Variants in CMIP observed in about 807,000 individuals in gnomAD.
The protein encoded by CMIP is c-Maf inducing protein, also known as C-Maf-inducing protein.
CMIP carries 13 observed loss-of-function variants against 97.3 expected under a neutral mutation model. The ratio of observed to expected loss-of-function variants is 0.13; its 90% CI spans 0.09 to 0.21. The LOEUF (loss-of-function observed/expected upper bound fraction) is 0.21. Among genes scored for constraint, CMIP ranks in the 10% least tolerant of loss-of-function variants. The probability of loss-of-function intolerance (pLI) is 1.00; values close to 1 mark genes in which losing one functional copy is unlikely to be tolerated. For synonymous variants in CMIP, 538 were observed against 436.3 expected (o/e 1.23, Z -2.91); for missense variants, 847 against 1,024.9 (o/e 0.83, Z 2.37).
At chr16:81,593,304 G>A (rs1438454112) in intron 1 of CMIP, among the ~76,000 whole-genome samples, 1 of 152,054 alleles carries the variant, frequency 6.6e-6, no homozygotes, top group Non-Finnish European at 1.5e-5. Context: ...CCCCTCCTGG[G>A]TCCCCAAGGA....
At chr16:81,618,448 G>C (rs1017027974) in intron 2 of CMIP, 2 of 152,232 alleles carry the variant, frequency 1.3e-5, no homozygotes, top group Non-Finnish European at 2.9e-5. Flanking sequence ...TGCCACGCAG[G>C]ATAACTTAAT....
At chr16:81,485,680 TA>T (rs2089303009) in intron 1 of CMIP, among the ~76,000 whole-genome samples, 1 of 152,252 alleles carries the variant, frequency 6.6e-6, no homozygotes, top group Admixed American at 6.5e-5. Flanking sequence ...TGAGCACTTA[TA>T]ATATGCCAGA....
chr16:81,445,563 C>T (rs1189660036), intron 1 of CMIP, 22 bp downstream of exon 1: 9 of 1,526,406 alleles, frequency 5.9e-6, no homozygotes, highest in East Asian at 4.9e-5. Context: ...TGCGCGGCTG[C>T]ACCCCCGCCT....
At position 81,696,260 on chromosome 16, in the gene CMIP, C is replaced by G. The variant is rs1423062622; in HGVS notation, c.1531-300C>G. On this transcript the variant is annotated intron_variant, in intron 13 of 20. Coordinates refer to ENST00000537098, the MANE Select transcript of CMIP (RefSeq NM_198390.3). Reference sequence around the variant, plus strand: ...GGGCGGTTGCTCTGGGCATCTCTACCTGCTGCAGCCACAGGCCCGCTTCAT... The same window carrying G: ...GGGCGGTTGCTCTGGGCATCTCTACGTGCTGCAGCCACAGGCCCGCTTCAT... 6.2e-6 allele frequency: 3 copies of G among 481,062 alleles called. No homozygotes were observed. The East Asian group carries it at 1.2e-4, about 20-fold the overall frequency. 29.8% of individuals were successfully genotyped at this position (481,062 alleles called of 1,614,324 possible). A position where few individuals can be genotyped will look rare whatever the true frequency, so the allele number is the denominator to read the frequency against.
At chr16:81,584,496 C>G (rs1324609282) in intron 1 of CMIP, among the ~76,000 whole-genome samples, 1 of 152,164 alleles carries the variant, frequency 6.6e-6, no homozygotes, top group Non-Finnish European at 1.5e-5. Context: ...AGTGTAAAAT[C>G]ATCCTTCTTT....
chr16:81,670,047 A>T, intron 7 of CMIP, 95 bp from the exon 8 acceptor site: 1 of 1,189,906 alleles, frequency 8.4e-7, no homozygotes, highest in Non-Finnish European at 1.2e-6. Context: ...CTCCAGGCAG[A>T]GCTCGGTCCC....
chr16:81,485,361 C>T (rs1478266936), intron 1 of CMIP, among the ~76,000 whole-genome samples: 1 of 152,218 alleles, frequency 6.6e-6, no homozygotes, highest in African/African-American at 2.4e-5. Context: ...CGAGCTATTT[C>T]TACCTTTTGT....
At chr16:81,505,489 G>A (rs1221849872) in intron 1 of CMIP, among the ~76,000 whole-genome samples, 1 of 152,186 alleles carries the variant, frequency 6.6e-6, no homozygotes, top group East Asian at 1.9e-4. Flanking sequence ...GCCTCAGCTG[G>A]GACCTGCTGG....
intron 7 of CMIP, among the ~76,000 whole-genome samples, chr16:81,668,032 G>T (rs1449643664): frequency 6.6e-6 from 1 of 152,068 alleles, no homozygotes; most frequent in African/African-American, 2.4e-5. Context: ...GGGAGCCTGC[G>T]GGAGGGAGTG....
intron 10 of CMIP, among the ~76,000 whole-genome samples, chr16:81,684,408 G>A (rs1469105258): frequency 3.3e-5 from 5 of 152,218 alleles, no homozygotes; most frequent in African/African-American, 7.2e-5. Flanking sequence ...CCGTGAGGCC[G>A]CCACGTTCTG....
In CMIP at chr16:81,627,192, G is replaced by C. The variant is rs150599312; in HGVS notation, c.477+6266G>C. On this transcript the variant is annotated intron_variant, in intron 3 of 20. Transcript: ENST00000537098. The surrounding 1 kb of genome is among the most constrained non-coding windows in gnomAD (Gnocchi z 4.6). ...GGCCTGTAGGGTGACTATTTTATGA[G>C]TGTGTGTGTGTGGCATGTGGGATGA... is the stretch of plus-strand genomic sequence containing the variant. 1.7e-3 allele frequency among the ~76,000 whole-genome samples: 253 copies of C among 149,870 alleles called. 1 individual carries two copies. Among genetic ancestry groups the C allele is most frequent in the African/African-American group, 5.8e-3 (237 of 40,794 alleles).
At chr16:81,636,030 A>C (rs2092230121) in intron 3 of CMIP, among the ~76,000 whole-genome samples, 1 of 152,114 alleles carries the variant, frequency 6.6e-6, no homozygotes, top group Admixed American at 6.5e-5. Flanking sequence ...AGCATGTATG[A>C]TGCAGCTGAA....
intron 12 of CMIP, 127 bp downstream of exon 12, chr16:81,693,311 G>T: frequency 7.1e-7 from 1 of 1,407,596 alleles, no homozygotes; most frequent in Non-Finnish European, 9.9e-7. Flanking sequence ...CTTGAGACAC[G>T]TGTCCCTGAT....
At chr16:81,557,405 A>G (rs1323224016) in intron 1 of CMIP, among the ~76,000 whole-genome samples, 2 of 152,300 alleles carry the variant, frequency 1.3e-5, no homozygotes, top group Admixed American at 6.5e-5. Flanking sequence ...TGTACTTACC[A>G]TCTTGTTGGC....
intron 1 of CMIP, among the ~76,000 whole-genome samples, chr16:81,537,354 G>A (rs1354544293): frequency 6.6e-6 from 1 of 151,912 alleles, no homozygotes; most frequent in Non-Finnish European, 1.5e-5. Context: ...GGCCAACATG[G>A]TAAAACCCTG....
chr16:81,472,611 C>T (rs139773990), intron 1 of CMIP, among the ~76,000 whole-genome samples: 225 of 152,340 alleles, frequency 1.5e-3, no homozygotes, highest in African/African-American at 4.3e-3. Flanking sequence ...GGGTGGCACC[C>T]GCAAATGTGT....
intron 1 of CMIP, chr16:81,518,835 ATT>A (rs35435211): frequency 3.2e-4 from 40 of 123,326 alleles, no homozygotes; most frequent in Admixed American, 5.9e-4. Context: ...CTGCATCTCT[ATT>A]TTTTTTTTTT....
intron 1 of CMIP, among the ~76,000 whole-genome samples, chr16:81,551,391 A>G (rs906992004): frequency 6.6e-6 from 1 of 152,288 alleles, no homozygotes; most frequent in African/African-American, 2.4e-5. Context: ...AAATGGGACA[A>G]TAAAGCTGAA....
chr16:81,610,763 C>G (rs2091818362), intron 2 of CMIP, among the ~76,000 whole-genome samples: 1 of 152,170 alleles, frequency 6.6e-6, no homozygotes, highest in Non-Finnish European at 1.5e-5. Context: ...CACTTGGCCC[C>G]TGGTGTGGTA....
Sources: gnomAD v4.1 joint callset for allele counts (sites outside exome capture counted in the v4.1 genomes callset) on GRCh38, gnomAD v4.1.1 for gene constraint, Gnocchi (gnomAD v3.1) non-coding constraint, MANE v1.5 for transcripts, NCBI Gene and HGNC (gene_info 2026-07-23, HGNC 2026-07-21) for gene names.